The following COLEC10 variants were observed in gnomAD, a reference collection of about 807,000 sequenced individuals.
The protein encoded by COLEC10 is collectin subfamily member 10, also known as collectin-10.
A neutral mutation model predicts 28.4 loss-of-function variants in COLEC10; 22 were observed. That is an observed-to-expected ratio of 0.78 (90% CI 0.55 to 1.11). COLEC10 has a LOEUF of 1.11. COLEC10 is among the 50% of genes least tolerant of loss of function. The probability of loss-of-function intolerance (pLI) is 0.00; values close to 1 mark genes in which losing one functional copy is unlikely to be tolerated. For synonymous variants in COLEC10, 125 were observed against 116.1 expected (o/e 1.08, Z -0.49); for missense variants, 361 against 344.1 (o/e 1.05, Z -0.39).
At chr8:119,007,341 C>T (rs1376040178) in intron 1 of COLEC10, among the ~76,000 whole-genome samples, 1 of 151,984 alleles carries the variant, frequency 6.6e-6, no homozygotes, top group Non-Finnish European at 1.5e-5. Flanking sequence ...ATTTTATTTC[C>T]ATCAATTTTA....
intron 1 of COLEC10, among the ~76,000 whole-genome samples, chr8:119,081,664 AC>A (rs1815372242): frequency 3.3e-5 from 5 of 151,946 alleles, no homozygotes; most frequent in Non-Finnish European, 4.4e-5. Context: ...CAGCAGAGAA[AC>A]TCCTGGGTTG....
At chr8:118,981,422 ACTTTTAATG>A in the COLEC10 span, among the ~76,000 whole-genome samples, 106 of 152,096 alleles carry the variant, frequency 7.0e-4, no homozygotes, top group African/African-American at 2.5e-3. Context: ...GTTATTTTAC[ACTTTTAATG>A]CTTTTAGGAA....
intron 5 of COLEC10, 141 bp from the exon 6 acceptor site, chr8:119,105,659 C>A: frequency 1.3e-6 from 1 of 758,874 alleles, no homozygotes; most frequent in Non-Finnish European, 2.1e-6. Flanking sequence ...GTAATTAAAT[C>A]TGTGACTACC....
intron 3 of COLEC10, among the ~76,000 whole-genome samples, chr8:119,099,085 T>A (rs1815772799): frequency 6.6e-6 from 1 of 152,064 alleles, no homozygotes; most frequent in African/African-American, 2.4e-5. Context: ...AAATAAATGT[T>A]TTTATTTAAG....
chr8:119,082,237 C>A (rs72682425), intron 1 of COLEC10, among the ~76,000 whole-genome samples: 25,739 of 151,208 alleles, frequency 0.17, 2,277 homozygotes, highest in African/African-American at 0.23. Flanking sequence ...TGTGTATTTG[C>A]CACCTGGGCT....
At chr8:119,089,487 A>G (rs1815545365) in intron 1 of COLEC10, among the ~76,000 whole-genome samples, 193 bp from the exon 2 acceptor site, 5 of 152,184 alleles carry the variant, frequency 3.3e-5, no homozygotes, top group Non-Finnish European at 4.4e-5. Flanking sequence ...AGAAAAGTAA[A>G]AAATATACTG....
intron 4 of COLEC10, 136 bp from the exon 5 acceptor site, chr8:119,103,664 A>T (rs771183786): frequency 1.8e-6 from 1 of 558,826 alleles, no homozygotes; most frequent in Non-Finnish European, 3.2e-6. Flanking sequence ...TAAATAAAAG[A>T]TTTAAAGTAT....
the COLEC10 span, among the ~76,000 whole-genome samples, chr8:118,979,034 G>T: frequency 6.6e-6 from 1 of 151,912 alleles, no homozygotes; most frequent in Non-Finnish European, 1.5e-5. Flanking sequence ...TCATGCCTTT[G>T]TTAAAGTAAT....
At chr8:119,049,401 C>CTATT in intron 2 of COLEC10, among the ~76,000 whole-genome samples, 1 of 60,072 alleles carries the variant, frequency 1.7e-5, no homozygotes, top group African/African-American at 7.3e-5. Context: ...ATTTTCTTTT[C>CTATT]TTTTTTTTTT....
intron 1 of COLEC10, among the ~76,000 whole-genome samples, chr8:119,078,121 A>G (rs1815291330): frequency 6.6e-6 from 1 of 152,198 alleles, no homozygotes; most frequent in Non-Finnish European, 1.5e-5. Flanking sequence ...ACATGACCCA[A>G]ACACAACCTA....
At chr8:118,980,540 A>T in the COLEC10 span, among the ~76,000 whole-genome samples, 1 of 152,134 alleles carries the variant, frequency 6.6e-6, no homozygotes, top group Admixed American at 6.6e-5. Flanking sequence ...TATACCTGTC[A>T]TCAAGTTAAG....
chr8:119,066,121 A>G (rs1055384232), upstream of COLEC10, among the ~76,000 whole-genome samples: 3 of 152,070 alleles, frequency 2.0e-5, no homozygotes, highest in African/African-American at 4.8e-5. Flanking sequence ...TCTTAGGGAT[A>G]TTTTTTCAGC....
At chr8:119,003,722 A>G (rs889972563) in intron 1 of COLEC10, among the ~76,000 whole-genome samples, 20 of 152,046 alleles carry the variant, frequency 1.3e-4, no homozygotes, top group African/African-American at 4.8e-4. Flanking sequence ...TTTTGGTTGC[A>G]CCGCTTAACC....
At chr8:119,073,381 G>T in intron 1 of COLEC10, among the ~76,000 whole-genome samples, 1 of 127,156 alleles carries the variant, frequency 7.9e-6, no homozygotes, top group East Asian at 2.4e-4. Context: ...AACTATTCTA[G>T]CTCAGTCACC....
rs149797383 is a variant in COLEC10, at chr8:119,043,850, G to A, written n.235+34297G>A. ...GATGCAAATACCGAGTCCAGGAGAG[G>A]ACAATGACTTGCTGAAGGCCTTACA... On this transcript the variant is annotated intron_variant and non_coding_transcript_variant, in intron 2 of 6. Coordinates refer to the COLEC10 transcript ENST00000521788. Among the ~76,000 whole-genome samples the A allele has an allele frequency of 1.5e-3, 224 of 152,286 alleles. 1 individual carries two copies. Among genetic ancestry groups the A allele is most frequent in the Non-Finnish European group, 2.5e-3 (167 of 68,032 alleles).
At chr8:118,969,237 C>A in the COLEC10 span, among the ~76,000 whole-genome samples, 1 of 152,136 alleles carries the variant, frequency 6.6e-6, no homozygotes, top group Non-Finnish European at 1.5e-5. Context: ...AAGGAACCAG[C>A]ACTGACAGTA....
At chr8:119,038,625 T>G (rs1362901349) in intron 2 of COLEC10, among the ~76,000 whole-genome samples, 1 of 152,258 alleles carries the variant, frequency 6.6e-6, no homozygotes, top group Non-Finnish European at 1.5e-5. Context: ...GCATTTGAAC[T>G]TGTTTTAGAA....
rs554700728 is a variant in COLEC10, at chr8:119,074,860, T to A, written c.148+7431T>A. On this transcript the variant is annotated intron_variant, in intron 1 of 5. Coordinates refer to ENST00000332843, the MANE Select transcript of COLEC10 (RefSeq NM_006438.5). ...GCCTAGGGTTGTCATGGGGATTGCA[T>A]GAGTGAAAACACAGAAAACTGAACC... Among the ~76,000 whole-genome samples, 11 of 152,290 alleles carry A rather than the reference T, an allele frequency of 7.2e-5. No homozygotes were observed. In the South Asian group the frequency reaches 2.3e-3, roughly 32 times the overall value.
chr8:119,105,793 C>A lies in COLEC10; in HGVS notation c.443-7C>A. 6.2e-7 allele frequency: 1 copy of A among 1,600,262 alleles called. No homozygotes were observed. The highest frequency in any genetic ancestry group is 2.2e-5 in the East Asian group (1 of 44,554). Reference sequence around the variant, plus strand: ...ACGTAATGATACTCCTTTTTCTCTCCCTGCAGTGATAGCAGGGATTAGGGA... The same window carrying A: ...ACGTAATGATACTCCTTTTTCTCTCACTGCAGTGATAGCAGGGATTAGGGA... On this transcript the variant is annotated splice_region_variant and splice_polypyrimidine_tract_variant and intron_variant, in intron 5 of 5. Transcript: ENST00000332843.
Sources: allele counts gnomAD v4.1 joint callset (sites outside exome capture counted in the v4.1 genomes callset), GRCh38; gene constraint gnomAD v4.1.1; transcripts MANE v1.5; gene names NCBI Gene and HGNC (gene_info 2026-07-23, HGNC 2026-07-21).